ANK3: variants seen among roughly 807,000 people sequenced by gnomAD.
ANK3 encodes ankyrin-3.
A neutral mutation model predicts 370.9 loss-of-function variants in ANK3; 57 were observed. That is an observed-to-expected ratio of 0.15 (90% confidence interval 0.12 to 0.19). The LOEUF (loss-of-function observed/expected upper bound fraction) is 0.19, where lower values mean the gene tolerates loss of function less well. Ranked by LOEUF, ANK3 falls within the 10% of genes least tolerant of loss-of-function variation. The pLI, the probability that ANK3 is intolerant of heterozygous loss-of-function variation, is 1.00. For synonymous variants in ANK3, 1,929 were observed against 1,946.3 expected (o/e 0.99, Z 0.23); for missense variants, 4,439 against 5,302.1 (o/e 0.84, Z 5.06).
intron 2 of ANK3, among the ~76,000 whole-genome samples, chr10:60,442,287 G>A (rs1377592725): frequency 6.6e-6 from 1 of 151,714 alleles, no homozygotes; most frequent in Non-Finnish European, 1.5e-5. Flanking sequence ...GTAGAGACAG[G>A]GTTTCACAAA....
chr10:60,207,325 G>T (rs1442510570), intron 10 of ANK3, among the ~76,000 whole-genome samples: 1 of 152,186 alleles, frequency 6.6e-6, no homozygotes, highest in Non-Finnish European at 1.5e-5. Flanking sequence ...TCAATTGGAT[G>T]ATGACAACCT....
intron 2 of ANK3, among the ~76,000 whole-genome samples, chr10:60,571,894 T>C (rs1003800028): frequency 6.6e-6 from 1 of 152,180 alleles, no homozygotes; most frequent in Non-Finnish European, 1.5e-5. Flanking sequence ...CAAAATTAAT[T>C]TTTTGGATTA....
At chr10:60,121,581 A>G (rs2093476218) in intron 25 of ANK3, among the ~76,000 whole-genome samples, 1 of 151,812 alleles carries the variant, frequency 6.6e-6, no homozygotes, top group Admixed American at 6.6e-5. Context: ...AGTCCCAGCT[A>G]CTTGGAAGGC....
Position 60,586,531 on chromosome 10 carries a change from A to T in ANK3, c.96+28655T>A, listed in dbSNP as rs116537511. Among the ~76,000 whole-genome samples, 505 of 152,274 alleles carry T rather than the reference A, an allele frequency of 3.3e-3. 3 individuals carry two copies. The highest frequency in any genetic ancestry group is 0.012 in the African/African-American group (478 of 41,538). On this transcript the variant is annotated intron_variant, in intron 2 of 43. Coordinates refer to the ANK3 transcript ENST00000373827. ...ATGCAGTAACCAACTGAGACTTTGGATTGACTCTGGAGGAGTAGGGGAGGG... is the reference window on the plus strand; with the variant it reads ...ATGCAGTAACCAACTGAGACTTTGGTTTGACTCTGGAGGAGTAGGGGAGGG...
chr10:60,674,745 G>T (rs764309569), intron 1 of ANK3, among the ~76,000 whole-genome samples: 1 of 152,180 alleles, frequency 6.6e-6, no homozygotes, highest in Non-Finnish European at 1.5e-5. Flanking sequence ...CTCCCCCATA[G>T]AGGTAACCAC....
chr10:60,580,620 ATAAT>A (rs1201962447), intron 2 of ANK3, among the ~76,000 whole-genome samples: 5 of 152,342 alleles, frequency 3.3e-5, no homozygotes, highest in African/African-American at 1.2e-4. Context: ...ATCTCTCCAA[ATAAT>A]TAACCTCAGT....
rs375296675 is a variant in ANK3, at chr10:60,091,053, C to A, written c.3329-2695G>T. On this transcript the variant is annotated intron_variant, in intron 28 of 43. Transcript: ENST00000280772. ...CTGAATAGCTGGGATTACAGGCACA[C>A]GCCACCACGCCCAGCTAATTTTTGT... 6.6e-5 allele frequency among the ~76,000 whole-genome samples: 10 copies of A among 152,248 alleles called. No individual in the cohort carries two copies. In the South Asian group the frequency reaches 2.1e-3, roughly 32 times the overall value.
chr10:60,551,387 T>C (rs2077084857), intron 2 of ANK3, among the ~76,000 whole-genome samples: 1 of 152,198 alleles, frequency 6.6e-6, no homozygotes, highest in Admixed American at 6.5e-5. Flanking sequence ...GTTTCTACTT[T>C]TGATTTTCTC....
At chr10:60,362,185 A>G (rs2058713363) in intron 1 of ANK3, among the ~76,000 whole-genome samples, 1 of 152,170 alleles carries the variant, frequency 6.6e-6, no homozygotes, top group African/African-American at 2.4e-5. Flanking sequence ...CTAACTCCAT[A>G]GTGAAGAGCT....
intron 2 of ANK3, among the ~76,000 whole-genome samples, chr10:60,434,790 T>G (rs1370550455): frequency 1.3e-5 from 2 of 152,328 alleles, no homozygotes; most frequent in Non-Finnish European, 2.9e-5. Context: ...TCTATACACC[T>G]GCAATAACTT....
chr10:60,565,604 C>A (rs1452845362), intron 2 of ANK3, among the ~76,000 whole-genome samples: 1 of 152,194 alleles, frequency 6.6e-6, no homozygotes, highest in African/African-American at 2.4e-5. Flanking sequence ...CCGTAACTCA[C>A]CCCTGCACTC....
chr10:60,594,639 T>A (rs552202643), intron 2 of ANK3, among the ~76,000 whole-genome samples: 8 of 152,206 alleles, frequency 5.3e-5, no homozygotes, highest in South Asian at 2.1e-4. Context: ...GTGAAAAAAA[T>A]ATATATAAGA....
At chr10:60,686,428 C>T (rs1021400976) in intron 1 of ANK3, among the ~76,000 whole-genome samples, 1 of 152,148 alleles carries the variant, frequency 6.6e-6, no homozygotes, top group Non-Finnish European at 1.5e-5. Flanking sequence ...ATCCCTTACC[C>T]ATGCTTGTGG....
intron 8 of ANK3, among the ~76,000 whole-genome samples, chr10:60,226,523 C>CA (rs2097155545): frequency 1.9e-5 from 1 of 53,930 alleles, no homozygotes; most frequent in Non-Finnish European, 3.0e-5. Context: ...AGTATATATA[C>CA]TATAGTATAT....
At chr10:60,100,066 CT>C (rs2132064005) in intron 28 of ANK3, among the ~76,000 whole-genome samples, 1 of 152,084 alleles carries the variant, frequency 6.6e-6, no homozygotes, top group East Asian at 1.9e-4. Context: ...CTTATTAATG[CT>C]TATTTGCTTT....
chr10:60,715,239 G>GTA (rs1554815938), intron 1 of ANK3, among the ~76,000 whole-genome samples: 7 of 151,574 alleles, frequency 4.6e-5, no homozygotes, highest in African/African-American at 1.5e-4. Flanking sequence ...GTGTGTGTGT[G>GTA]TGTGTGTATA....
At chr10:60,559,132 T>A (rs559027383) in intron 2 of ANK3, among the ~76,000 whole-genome samples, 10 of 152,220 alleles carry the variant, frequency 6.6e-5, no homozygotes, top group Admixed American at 2.0e-4. Context: ...TTAAAAAAAA[T>A]TTTCAATAGG....
chr10:60,535,024 C>T (rs1427724451), intron 2 of ANK3, among the ~76,000 whole-genome samples: 1 of 152,146 alleles, frequency 6.6e-6, no homozygotes, highest in Non-Finnish European at 1.5e-5. Flanking sequence ...ATTCATACAA[C>T]TGCTGGAAGC....
intron 2 of ANK3, among the ~76,000 whole-genome samples, chr10:60,605,463 T>C (rs2078115973): frequency 2.0e-5 from 3 of 151,886 alleles, no homozygotes; most frequent in Non-Finnish European, 2.9e-5. Context: ...AATAAATAAA[T>C]AAAAAGGAAA....
Sources: allele counts gnomAD v4.1 joint callset (sites outside exome capture counted in the v4.1 genomes callset), GRCh38; gene constraint gnomAD v4.1.1; transcripts MANE v1.5; gene names NCBI Gene and HGNC (gene_info 2026-07-23, HGNC 2026-07-21).